Variants in FGF14 observed in about 807,000 individuals in gnomAD.
FGF14 encodes fibroblast growth factor 14.
In FGF14, 5 loss-of-function variants were observed where a neutral mutation model predicts 25.5. The ratio of observed to expected loss-of-function variants is 0.20; its 90% confidence interval spans 0.10 to 0.41. The LOEUF (loss-of-function observed/expected upper bound fraction) is 0.41, where lower values mean the gene tolerates loss of function less well. Ranked by LOEUF, FGF14 falls within the 10% of genes least tolerant of loss-of-function variation. FGF14 has a pLI of 1.00. For synonymous variants in FGF14, 138 were observed against 118.3 expected (o/e 1.17, Z -1.08); for missense variants, 222 against 320.1 (o/e 0.69, Z 2.34).
At chr13:102,073,339 C>T (rs554522342) in intron 1 of FGF14, among the ~76,000 whole-genome samples, 8 of 152,212 alleles carry the variant, frequency 5.3e-5, no homozygotes, top group Admixed American at 2.0e-4. Context: ...TGAGTCTGTC[C>T]CTCCCCATGC....
At chr13:102,188,034 A>G (rs2048943227) in intron 1 of FGF14, among the ~76,000 whole-genome samples, 1 of 152,228 alleles carries the variant, frequency 6.6e-6, no homozygotes, top group Admixed American at 6.5e-5. Flanking sequence ...ATATTTATAG[A>G]GTGCTTATTT....
chr13:101,815,064 C>G (rs1463459002), intron 3 of FGF14, among the ~76,000 whole-genome samples: 1 of 152,174 alleles, frequency 6.6e-6, no homozygotes, highest in African/African-American at 2.4e-5. Flanking sequence ...CTCATGCTAT[C>G]AAGTGGAAGA....
intron 1 of FGF14, among the ~76,000 whole-genome samples, chr13:101,988,052 G>A (rs929793488): frequency 3.9e-5 from 6 of 152,040 alleles, no homozygotes; most frequent in African/African-American, 1.4e-4. Context: ...ATCTCTTAGA[G>A]ACACTGAAGT....
intron 3 of FGF14, among the ~76,000 whole-genome samples, chr13:101,815,466 C>T (rs2041794475): frequency 6.6e-6 from 1 of 152,146 alleles, no homozygotes; most frequent in Non-Finnish European, 1.5e-5. Flanking sequence ...CATGAAGCTG[C>T]AGCTACCAGG....
chr13:101,929,228 T>A (rs2034580430), intron 1 of FGF14, among the ~76,000 whole-genome samples: 1 of 151,406 alleles, frequency 6.6e-6, no homozygotes, highest in South Asian at 2.1e-4. Flanking sequence ...GTGGAAAGAG[T>A]CAGCTCCACC....
At chr13:101,893,281 T>C (rs2138911135) in intron 1 of FGF14, among the ~76,000 whole-genome samples, 1 of 152,340 alleles carries the variant, frequency 6.6e-6, no homozygotes, top group East Asian at 1.9e-4. Flanking sequence ...TTTTTCCTGC[T>C]CCTGCACCTT....
chr13:101,941,071 T>C (rs1045605695), intron 1 of FGF14, among the ~76,000 whole-genome samples: 3 of 152,160 alleles, frequency 2.0e-5, no homozygotes, highest in African/African-American at 7.2e-5. Context: ...ACACATGAGC[T>C]GAAAAGAGCA....
chr13:102,286,286 C>T (rs1356506354), intron 1 of FGF14, among the ~76,000 whole-genome samples: 2 of 151,798 alleles, frequency 1.3e-5, no homozygotes, highest in African/African-American at 2.4e-5. Flanking sequence ...TGCCCCCTCC[C>T]GCTGCCCAGA....
At chr13:101,985,408 AC>A (rs764314163) in intron 1 of FGF14, among the ~76,000 whole-genome samples, 2 of 152,244 alleles carry the variant, frequency 1.3e-5, no homozygotes, top group Non-Finnish European at 2.9e-5. Flanking sequence ...AAATAAAAAA[AC>A]ATAGCACTTG....
At chr13:102,130,285 C>T (rs2046138357) in intron 1 of FGF14, among the ~76,000 whole-genome samples, 1 of 152,150 alleles carries the variant, frequency 6.6e-6, no homozygotes, top group African/African-American at 2.4e-5. Flanking sequence ...CAAGGCAGGG[C>T]TGTGTTCTTT....
In FGF14 at chr13:102,055,618, C is replaced by A. The variant is rs117947707; in HGVS notation, c.209-180322G>T. Among the ~76,000 whole-genome samples, 1,516 of 152,288 alleles carry A rather than the reference C, an allele frequency of 1.0e-2. 11 individuals carry two copies. Among genetic ancestry groups the A allele is most frequent in the Non-Finnish European group, 0.015 (1,047 of 68,028 alleles). On this transcript the variant is annotated intron_variant, in intron 1 of 4. Coordinates refer to the FGF14 transcript ENST00000376131. Reference sequence around the variant, plus strand: ...TAAACTTCAGCATAGTAATACCACACCCATGATACATTTATTAAAGGAGAC... The same window carrying A: ...TAAACTTCAGCATAGTAATACCACAACCATGATACATTTATTAAAGGAGAC...
chr13:102,020,320 G>A (rs112171155), intron 1 of FGF14, among the ~76,000 whole-genome samples: 4,829 of 151,990 alleles, frequency 0.032, 248 homozygotes, highest in African/African-American at 0.11. Context: ...AGGCTGAGGC[G>A]GGCAGATCAC....
At chr13:102,264,701 A>G (rs1594637185) in intron 1 of FGF14, among the ~76,000 whole-genome samples, 1 of 152,170 alleles carries the variant, frequency 6.6e-6, no homozygotes, top group African/African-American at 2.4e-5. Context: ...ACCTGAGTCA[A>G]AAAGGGCAAG....
At chr13:102,285,809 A>C (rs976785050) in intron 1 of FGF14, among the ~76,000 whole-genome samples, 18 of 152,206 alleles carry the variant, frequency 1.2e-4, no homozygotes, top group African/African-American at 4.3e-4. Context: ...AATGGAAGCA[A>C]AGAGAAAGAA....
At chr13:101,949,853 C>A (rs1056568782) in intron 1 of FGF14, among the ~76,000 whole-genome samples, 6 of 152,136 alleles carry the variant, frequency 3.9e-5, no homozygotes, top group African/African-American at 1.2e-4. Context: ...CATGGCTAAC[C>A]CACTTCCCTT....
chr13:101,812,628 TATATATATATATATATATATA>T (rs1566931032), intron 3 of FGF14, among the ~76,000 whole-genome samples: 4 of 10,236 alleles, frequency 3.9e-4, no homozygotes, highest in East Asian at 6.5e-3. Flanking sequence ...TATATATATA[TATATATATATATATATATATA>T]TATATTTTTT....
At chr13:102,137,399 T>C (rs531651822) in intron 1 of FGF14, among the ~76,000 whole-genome samples, 26 of 152,326 alleles carry the variant, frequency 1.7e-4, no homozygotes, top group African/African-American at 6.3e-4. Flanking sequence ...AAACTACACA[T>C]AGTTGTCCAG....
intron 3 of FGF14, among the ~76,000 whole-genome samples, chr13:101,867,936 G>A (rs76722922): frequency 0.036 from 3,459 of 96,268 alleles, 58 homozygotes; most frequent in Admixed American, 0.045. Context: ...ACACACACAC[G>A]CGCACACACA....
chr13:102,051,863 A>G (rs181694436), intron 1 of FGF14, among the ~76,000 whole-genome samples: 6 of 152,308 alleles, frequency 3.9e-5, no homozygotes, highest in African/African-American at 1.4e-4. Context: ...TGAAAAACCA[A>G]AGAGACATAA....
Sources: allele counts gnomAD v4.1 joint callset (sites outside exome capture counted in the v4.1 genomes callset), GRCh38; gene constraint gnomAD v4.1.1; transcripts MANE v1.5; gene names NCBI Gene and HGNC (gene_info 2026-07-23, HGNC 2026-07-21).